The following CDH20 variants were observed in gnomAD, a reference collection of about 807,000 sequenced individuals.
CDH20 encodes the protein cadherin-20.
A neutral mutation model predicts 74.2 loss-of-function variants in CDH20; 29 were observed. That is an observed-to-expected ratio of 0.39 (90% confidence interval 0.29 to 0.53). The LOEUF (loss-of-function observed/expected upper bound fraction) is 0.53. Ranked by LOEUF, CDH20 falls within the 20% of genes least tolerant of loss-of-function variation. The probability of loss-of-function intolerance (pLI) is 0.69; values close to 1 mark genes in which losing one functional copy is unlikely to be tolerated. For missense variants in CDH20, 988 were observed against 1,048.3 expected, an observed-to-expected ratio of 0.94 and a Z score of 0.79; for synonymous variants, 469 against 405.4, an observed-to-expected ratio of 1.16 and a Z score of -1.88.
chr18:61,541,870 A>G (rs1459687996), intron 9 of CDH20, among the ~76,000 whole-genome samples: 1 of 152,188 alleles, frequency 6.6e-6, no homozygotes, highest in Non-Finnish European at 1.5e-5. Flanking sequence ...AAACCAGCTG[A>G]GCAGAATATT....
chr18:61,453,051 T>C (rs1417908519), intron 1 of CDH20, among the ~76,000 whole-genome samples: 1 of 152,176 alleles, frequency 6.6e-6, no homozygotes, highest in East Asian at 1.9e-4. Flanking sequence ...TTGGTAACTA[T>C]AGTCCAACAT....
At chr18:61,522,512 T>G (rs1912248015) in intron 6 of CDH20, among the ~76,000 whole-genome samples, 3 of 152,208 alleles carry the variant, frequency 2.0e-5, no homozygotes, top group South Asian at 4.1e-4. Flanking sequence ...ATAGATTCAA[T>G]GCTATCCTCA....
chr18:61,452,560 G>A (rs140699708), intron 1 of CDH20, among the ~76,000 whole-genome samples: 2,356 of 152,218 alleles, frequency 0.015, 30 homozygotes, highest in Middle Eastern at 0.024. Context: ...ACCAGTAAAA[G>A]CATGAATGTA....
intron 1 of CDH20, among the ~76,000 whole-genome samples, chr18:61,341,430 C>A (rs1003142640): frequency 8.6e-5 from 13 of 151,482 alleles, no homozygotes; most frequent in Admixed American, 2.6e-4. Flanking sequence ...GAGCCCCCCC[C>A]CCGCCTAATG....
chr18:61,336,431 C>T (rs1568099334), intron 1 of CDH20, among the ~76,000 whole-genome samples: 1 of 152,228 alleles, frequency 6.6e-6, no homozygotes, highest in Non-Finnish European at 1.5e-5. Context: ...GACCCTTATA[C>T]ATTTGTAAAT....
Position 61,347,494 on chromosome 18 carries a change from G to A in CDH20, c.-153+13667G>A, listed in dbSNP as rs561290703. 2.2e-3 allele frequency among the ~76,000 whole-genome samples: 336 copies of A among 149,780 alleles called. 2 individuals carry two copies. The highest frequency in any genetic ancestry group is 7.9e-3 in the African/African-American group (321 of 40,466). ...AAGATCGTGCCACTGTACTCCAGCC[G>A]GGTTGATGGAGTGACACCCTGCCTC... On this transcript the variant is annotated intron_variant, in intron 1 of 11. Transcript: ENST00000262717.
In CDH20 at chr18:61,555,661, A is replaced by C. The variant is rs562959285; in HGVS notation, c.*966A>C. The C allele has an allele frequency of 7.2e-6, 7 of 978,578 alleles. No individual in the cohort carries two copies. The East Asian group carries it at 6.8e-4, about 96-fold the overall frequency. 60.6% of individuals were successfully genotyped at this position (978,578 alleles called of 1,614,324 possible). ...AATCAGTATTATAGAGAATAAATGG[A>C]TGTAAGAAAATTACATGTACAAGTT... On this transcript the variant is annotated 3_prime_UTR_variant, in exon 12 of 12. Transcript: ENST00000262717.
At chr18:61,336,180 A>G (rs970577110) in intron 1 of CDH20, among the ~76,000 whole-genome samples, 8 of 152,226 alleles carry the variant, frequency 5.3e-5, no homozygotes, top group Admixed American at 5.2e-4. Flanking sequence ...TGGAGAAAGC[A>G]GTTGAGCAGC....
intron 1 of CDH20, among the ~76,000 whole-genome samples, chr18:61,457,511 C>A (rs1299627575): frequency 6.6e-6 from 1 of 152,016 alleles, no homozygotes; most frequent in African/African-American, 2.4e-5. Context: ...CCTACTTAAC[C>A]ACCATGAATA....
intron 1 of CDH20, among the ~76,000 whole-genome samples, chr18:61,336,050 G>T (rs908456768): frequency 6.6e-6 from 1 of 152,330 alleles, no homozygotes; most frequent in East Asian, 1.9e-4. Context: ...TGTGACTGTA[G>T]TAAGTGCTGA....
At chr18:61,393,934 T>C (rs1599055676) in intron 1 of CDH20, among the ~76,000 whole-genome samples, 3 of 152,228 alleles carry the variant, frequency 2.0e-5, no homozygotes, top group East Asian at 3.9e-4. Context: ...ACCTGCAAAA[T>C]TTAAAAATAA....
At chr18:61,403,419 G>A (rs1388796194) in intron 1 of CDH20, among the ~76,000 whole-genome samples, 1 of 152,152 alleles carries the variant, frequency 6.6e-6, no homozygotes, top group Non-Finnish European at 1.5e-5. Flanking sequence ...TGGGAAACAA[G>A]ACTACCATGT....
intron 1 of CDH20, among the ~76,000 whole-genome samples, chr18:61,343,029 G>A (rs1449104782): frequency 6.6e-6 from 1 of 152,114 alleles, no homozygotes; most frequent in Non-Finnish European, 1.5e-5. Flanking sequence ...TGTCCACAGT[G>A]CCCCCAAAAG....
At chr18:61,435,063 C>T (rs1046011098) in intron 1 of CDH20, among the ~76,000 whole-genome samples, 14 of 152,168 alleles carry the variant, frequency 9.2e-5, no homozygotes, top group South Asian at 6.2e-4. Flanking sequence ...CAACTTTATG[C>T]GCATTCTCAC....
At chr18:61,410,050 T>G (rs961065306) in intron 1 of CDH20, among the ~76,000 whole-genome samples, 3 of 152,228 alleles carry the variant, frequency 2.0e-5, no homozygotes, top group Non-Finnish European at 4.4e-5. Context: ...ATTCAGATAA[T>G]GAAAGTAAAT....
chr18:61,343,248 G>A (rs1441669511), intron 1 of CDH20, among the ~76,000 whole-genome samples: 1 of 152,166 alleles, frequency 6.6e-6, no homozygotes, highest in African/African-American at 2.4e-5. Flanking sequence ...GATTTGCAAT[G>A]TATTACATTT....
chr18:61,481,665 C>T (rs552727293), intron 1 of CDH20, among the ~76,000 whole-genome samples: 61 of 152,204 alleles, frequency 4.0e-4, no homozygotes, highest in African/African-American at 1.3e-3. Context: ...ATTTATATGG[C>T]ATCAGATGCC....
At chr18:61,515,034 C>T (rs1399886229) in intron 6 of CDH20, among the ~76,000 whole-genome samples, 6 of 151,938 alleles carry the variant, frequency 3.9e-5, no homozygotes, top group African/African-American at 1.5e-4. Flanking sequence ...CCACCCAGTT[C>T]GAGCTTCCTG....
chr18:61,467,996 T>A (rs1910025525), intron 1 of CDH20, among the ~76,000 whole-genome samples: 1 of 152,148 alleles, frequency 6.6e-6, no homozygotes, highest in Non-Finnish European at 1.5e-5. Context: ...TGGACTCGGA[T>A]GCACAAAGAG....
Sources: gnomAD v4.1 joint callset for allele counts (sites outside exome capture counted in the v4.1 genomes callset) on GRCh38, gnomAD v4.1.1 for gene constraint, MANE v1.5 for transcripts, NCBI Gene and HGNC (gene_info 2026-07-23, HGNC 2026-07-21) for gene names.